C1QTNF3: variants seen among roughly 807,000 people sequenced by gnomAD.
C1QTNF3 encodes the protein complement C1q tumor necrosis factor-related protein 3.
In C1QTNF3, 26 loss-of-function variants were observed where a neutral mutation model predicts 32.6. The ratio of observed to expected loss-of-function variants is 0.80; its 90% CI spans 0.58 to 1.11. The LOEUF is 1.11. Among genes scored for constraint, C1QTNF3 ranks in the 50% least tolerant of loss-of-function variants. The pLI, the probability that C1QTNF3 is intolerant of heterozygous loss-of-function variation, is 0.00. For missense variants in C1QTNF3, 362 were observed against 398.2 expected, an observed-to-expected ratio of 0.91 and a Z score of 0.77; for synonymous variants, 155 against 146.0, an observed-to-expected ratio of 1.06 and a Z score of -0.44.
At chr5:34,127,139 T>C in the C1QTNF3 span, among the ~76,000 whole-genome samples, 3 of 152,062 alleles carry the variant, frequency 2.0e-5, no homozygotes, top group East Asian at 1.9e-4. Flanking sequence ...TAGTTCTTCA[T>C]AGCAATGTGA....
chr5:34,230,286 A>C, the C1QTNF3 span, among the ~76,000 whole-genome samples: 1 of 152,116 alleles, frequency 6.6e-6, no homozygotes, highest in African/African-American at 2.4e-5. Context: ...CTTTGATTTT[A>C]AATCAGTAAG....
intron 2 of C1QTNF3, among the ~76,000 whole-genome samples, 182 bp downstream of exon 2, chr5:34,035,465 C>T (rs543107677): frequency 9.2e-5 from 14 of 152,196 alleles, no homozygotes; most frequent in Admixed American, 2.0e-4. Context: ...ATGACCTGGT[C>T]GTTTCGGACT....
chr5:34,130,144 C>A, the C1QTNF3 span, among the ~76,000 whole-genome samples: 1 of 150,928 alleles, frequency 6.6e-6, no homozygotes, highest in Non-Finnish European at 1.5e-5. Flanking sequence ...CACACACACA[C>A]ACACACATAC....
At chr5:34,081,464 G>A in the C1QTNF3 span, among the ~76,000 whole-genome samples, 3 of 151,524 alleles carry the variant, frequency 2.0e-5, no homozygotes, top group South Asian at 6.2e-4. Context: ...TGATCTATCA[G>A]TGCAATTTGT....
chr5:34,179,449 T>C, the C1QTNF3 span, among the ~76,000 whole-genome samples: 1 of 152,038 alleles, frequency 6.6e-6, no homozygotes, highest in South Asian at 2.1e-4. Context: ...GCTACTGCAC[T>C]CCAGCCTGGG....
At chr5:34,188,275 G>A in the C1QTNF3 span, among the ~76,000 whole-genome samples, 1 of 152,418 alleles carries the variant, frequency 6.6e-6, no homozygotes, top group African/African-American at 2.4e-5. Flanking sequence ...CTAGGGCAGT[G>A]TCAAAGGGAA....
At chr5:34,236,570 C>CTT in the C1QTNF3 span, among the ~76,000 whole-genome samples, 92 of 27,288 alleles carry the variant, frequency 3.4e-3, no homozygotes, top group African/African-American at 5.9e-3. Context: ...TTTCTTTTTT[C>CTT]TTTTTTTTTT....
At chr5:34,221,966 A>C in the C1QTNF3 span, among the ~76,000 whole-genome samples, 1 of 152,046 alleles carries the variant, frequency 6.6e-6, no homozygotes, top group Non-Finnish European at 1.5e-5. Flanking sequence ...AGTGCTAAAC[A>C]CAGAGATGAC....
At chr5:34,070,414 A>C in the C1QTNF3 span, among the ~76,000 whole-genome samples, 1 of 152,226 alleles carries the variant, frequency 6.6e-6, no homozygotes. Context: ...AAATTCTCTT[A>C]ACATAAAACT....
the C1QTNF3 span, among the ~76,000 whole-genome samples, chr5:34,073,195 T>C: frequency 2.0e-5 from 3 of 151,794 alleles, no homozygotes; most frequent in African/African-American, 2.4e-5. Flanking sequence ...GGTGTGGTGG[T>C]GGGCGCCTGT....
At chr5:34,155,829 T>C in the C1QTNF3 span, among the ~76,000 whole-genome samples, 1 of 151,946 alleles carries the variant, frequency 6.6e-6, no homozygotes, top group East Asian at 1.9e-4. Context: ...TTAACAAATA[T>C]GGCTCCTAAG....
the C1QTNF3 span, chr5:34,175,631 G>T: frequency 3.9e-6 from 2 of 511,878 alleles, no homozygotes; most frequent in Admixed American, 6.4e-5. Flanking sequence ...GGGAAGCGGG[G>T]ACCTGACTCC....
chr5:34,099,424 T>C, the C1QTNF3 span, among the ~76,000 whole-genome samples: 1 of 152,230 alleles, frequency 6.6e-6, no homozygotes, highest in Non-Finnish European at 1.5e-5. Context: ...TATTTAATTG[T>C]TGCTAAATTT....
At chr5:34,176,084 A>T in the C1QTNF3 span, 4 of 558,046 alleles carry the variant, frequency 7.2e-6, no homozygotes, top group Admixed American at 3.1e-5. Flanking sequence ...TGCAGGACTC[A>T]CTGATGCTAG....
rs1393331534 is a variant in C1QTNF3, at chr5:34,018,761, C to A, written c.*1822G>T. On this transcript the variant is annotated 3_prime_UTR_variant, in exon 6 of 6. Coordinates refer to ENST00000382065, the MANE Select transcript of C1QTNF3 (RefSeq NM_181435.6). ...TACCAAGGCTGATCATTATGTGAAA[C>A]AGTTCTACACCATATTACATCCCTG... is the stretch of plus-strand genomic sequence containing the variant. Among the ~76,000 whole-genome samples the A allele has an allele frequency of 6.6e-6, 1 of 152,040 alleles. No individual in the cohort carries two copies. Among genetic ancestry groups the A allele is most frequent in the Non-Finnish European group, 1.5e-5 (1 of 68,002 alleles).
the C1QTNF3 span, among the ~76,000 whole-genome samples, chr5:34,135,196 T>TC: frequency 6.6e-6 from 1 of 152,212 alleles, no homozygotes; most frequent in Non-Finnish European, 1.5e-5. Context: ...TGTCATTGGT[T>TC]CTGTTTATGT....
chr5:34,096,833 A>C, the C1QTNF3 span, among the ~76,000 whole-genome samples: 1 of 151,482 alleles, frequency 6.6e-6, no homozygotes, highest in African/African-American at 2.4e-5. Context: ...AACAAATACC[A>C]CTCTTTGTTA....
At chr5:34,236,998 A>T in the C1QTNF3 span, among the ~76,000 whole-genome samples, 1 of 152,276 alleles carries the variant, frequency 6.6e-6, no homozygotes, top group East Asian at 1.9e-4. Context: ...TTGTTATTAA[A>T]TTACTAGATA....
chr5:34,085,606 AC>A, the C1QTNF3 span, among the ~76,000 whole-genome samples: 1 of 151,380 alleles, frequency 6.6e-6, no homozygotes, highest in African/African-American at 2.5e-5. Context: ...TCCAGTTTTA[AC>A]CCCATCAAAA....
Sources: allele counts gnomAD v4.1 joint callset (sites outside exome capture counted in the v4.1 genomes callset), GRCh38; gene constraint gnomAD v4.1.1; transcripts MANE v1.5; gene names NCBI Gene and HGNC (gene_info 2026-07-23, HGNC 2026-07-21).